Variants in ART3 observed in about 807,000 individuals in gnomAD.
ART3 encodes ecto-ADP-ribosyltransferase 3.
A neutral mutation model predicts 48.5 loss-of-function variants in ART3; 49 were observed. The ratio of observed to expected loss-of-function variants is 1.01; its 90% CI spans 0.80 to 1.28. The LOEUF is 1.28. Among genes scored for constraint, ART3 ranks in the 50% most tolerant of loss-of-function variants. The pLI is 0.00. For missense variants in ART3, 438 were observed against 454.3 expected (o/e 0.96, Z 0.33); for synonymous variants, 145 against 157.2 (o/e 0.92, Z 0.58).
chr4:76,087,119 T>C (rs915220141), intron 3 of ART3, among the ~76,000 whole-genome samples: 4 of 152,156 alleles, frequency 2.6e-5, no homozygotes, highest in Non-Finnish European at 5.9e-5. Context: ...ACAAGCTAAA[T>C]GTAGCACAGG....
At chr4:76,088,053 A>T (rs2149591588) in intron 3 of ART3, among the ~76,000 whole-genome samples, 1 of 152,214 alleles carries the variant, frequency 6.6e-6, no homozygotes, top group East Asian at 1.9e-4. Context: ...ACATAATGAG[A>T]CACCCATCTC....
intron 1 of ART3, among the ~76,000 whole-genome samples, chr4:76,043,463 TGAGAAATC>T (rs1205729447): frequency 6.6e-6 from 1 of 152,016 alleles, no homozygotes; most frequent in Non-Finnish European, 1.5e-5. Context: ...TAAGGCCCGA[TGAGAAATC>T]GAGTGCAGTG....
At chr4:76,089,917 T>C (rs979761807) in intron 3 of ART3, among the ~76,000 whole-genome samples, 2 of 152,012 alleles carry the variant, frequency 1.3e-5, no homozygotes, top group Non-Finnish European at 2.9e-5. Flanking sequence ...CCGTCTCTAC[T>C]AAAAATACAA....
At chr4:76,063,425 C>T (rs904843385) in intron 1 of ART3, among the ~76,000 whole-genome samples, 3 of 151,916 alleles carry the variant, frequency 2.0e-5, no homozygotes, top group Non-Finnish European at 4.4e-5. Flanking sequence ...ATTCTCTGTA[C>T]CTTATACCAT....
At chr4:76,012,520 G>T (rs1048643915) in intron 1 of ART3, among the ~76,000 whole-genome samples, 1 of 152,102 alleles carries the variant, frequency 6.6e-6, no homozygotes, top group Non-Finnish European at 1.5e-5. Flanking sequence ...CCTAGCTGTG[G>T]GAGGTTTTAT....
At position 76,035,270 on chromosome 4, in the gene ART3, A is replaced by G. The variant is rs1377651430; in HGVS notation, c.-10+23950A>G. On this transcript the variant is annotated intron_variant, in intron 1 of 9. Coordinates refer to the ART3 transcript ENST00000341029. ...TGGGTACATTATGGAGGCTTTCTCA[A>G]TATCTGCCACTTTCACTGCTTTTAC... is the stretch of plus-strand genomic sequence containing the variant. The G allele has an allele frequency of 1.7e-5, 28 of 1,614,054 alleles. No homozygotes were observed. Among genetic ancestry groups the G allele is most frequent in the Non-Finnish European group, 2.3e-5 (27 of 1,179,934 alleles).
At chr4:76,019,312 A>C (rs1252687113) in intron 1 of ART3, among the ~76,000 whole-genome samples, 1 of 151,336 alleles carries the variant, frequency 6.6e-6, no homozygotes, top group Admixed American at 6.6e-5. Context: ...TTCATGAATT[A>C]TGTGAGTTAG....
In ART3 at chr4:76,014,512, A is replaced by G. The variant is rs150377508; in HGVS notation, c.-10+3192A>G. ...ATTTTCAAGGCTGAGAAGTAGAAAG[A>G]AAAAAGAATGAAGAAAAGTGAACAA... On this transcript the variant is annotated intron_variant, in intron 1 of 9. Coordinates refer to the ART3 transcript ENST00000341029. 7.8e-3 allele frequency among the ~76,000 whole-genome samples: 1,184 copies of G among 152,302 alleles called. 15 individuals carry two copies. Among genetic ancestry groups the G allele is most frequent in the African/African-American group, 0.027 (1,128 of 41,566 alleles).
At chr4:76,106,126 A>T (rs1728419994) in intron 10 of ART3, 1 of 985,266 alleles carries the variant, frequency 1.0e-6, no homozygotes, top group African/African-American at 1.7e-5. Flanking sequence ...CATGGAACAT[A>T]AGAAGGCTAA....
chr4:76,032,581 C>CTTT (rs10547155), intron 1 of ART3, among the ~76,000 whole-genome samples: 2 of 114,596 alleles, frequency 1.7e-5, no homozygotes, highest in African/African-American at 3.4e-5. Flanking sequence ...AGATTCAAGT[C>CTTT]TTTTTTTTTT....
At chr4:76,069,047 A>T (rs73825862) in intron 1 of ART3, among the ~76,000 whole-genome samples, 2,067 of 152,332 alleles carry the variant, frequency 0.014, 40 homozygotes, top group African/African-American at 0.046. Context: ...GATAGATTTC[A>T]TAGTGTTATG....
upstream of ART3, among the ~76,000 whole-genome samples, chr4:76,073,135 T>G (rs1720492137): frequency 6.6e-6 from 1 of 152,234 alleles, no homozygotes; most frequent in South Asian, 2.1e-4. Flanking sequence ...TTTATCCATT[T>G]CGTTCACTGG....
chr4:76,106,320 C>T, intron 10 of ART3: 1 of 985,436 alleles, frequency 1.0e-6, no homozygotes, highest in South Asian at 4.7e-5. Flanking sequence ...TAGGCACACA[C>T]TTGGTAGTAC....
chr4:76,104,496 G>A, intron 9 of ART3, 101 bp from the exon 10 acceptor site: 2 of 1,540,372 alleles, frequency 1.3e-6, no homozygotes, highest in South Asian at 2.4e-5. Context: ...AGTGCATTGG[G>A]GCCTTGGGTG....
At position 76,082,536 on chromosome 4, in the gene ART3, G is replaced by GT. The variant is rs760936709; in HGVS notation, c.781+2dup. On this transcript the variant is annotated splice_donor_variant, in intron 3 of 11. Transcript: ENST00000355810. LOFTEE classifies it high-confidence loss of function. ...CATTATGAGTGTGCATTTCTAGGTG[G>GT]TAAGTGTCTGCTCTGTCTGTGCTTG... 3.8e-6 allele frequency: 6 copies of GT among 1,566,136 alleles called. No homozygotes were observed. In the South Asian group the frequency reaches 7.2e-5, roughly 19 times the overall value.
At chr4:76,043,943 G>A (rs1735244170) in intron 1 of ART3, among the ~76,000 whole-genome samples, 1 of 152,030 alleles carries the variant, frequency 6.6e-6, no homozygotes, top group African/African-American at 2.4e-5. Flanking sequence ...TGAAGAAGGG[G>A]CCCTGCAGTT....
intron 3 of ART3, among the ~76,000 whole-genome samples, chr4:76,084,167 A>T (rs983083863): frequency 6.6e-6 from 1 of 152,166 alleles, no homozygotes; most frequent in Admixed American, 6.5e-5. Context: ...GCTCTATGAT[A>T]AGCTCTTTAG....
intron 1 of ART3, among the ~76,000 whole-genome samples, chr4:76,032,638 G>T (rs185063520): frequency 2.0e-4 from 27 of 133,352 alleles, no homozygotes; most frequent in African/African-American, 7.4e-4. Context: ...AAGCTGGAAT[G>T]CAATGGCATG....
rs774165207 is a variant in ART3, at chr4:76,112,683, GAT to G, written c.*169_*170del. On this transcript the variant is annotated 3_prime_UTR_variant, in exon 12 of 12. Coordinates refer to ENST00000355810, the MANE Select transcript of ART3 (RefSeq NM_001130016.3). ...TTTGCAAATTCAGAAAGTTGGTCCA[GAT>G]ATATGTCACAGAACTTTTCACTTGT... 9.1e-6 allele frequency: 7 copies of G among 765,142 alleles called. 1 individual carries two copies. The Middle Eastern group carries it at 1.6e-3, about 174-fold the overall frequency. 47.4% of individuals were successfully genotyped at this position (765,142 alleles called of 1,614,324 possible).
Sources: allele counts gnomAD v4.1 joint callset (sites outside exome capture counted in the v4.1 genomes callset), GRCh38; gene constraint gnomAD v4.1.1; transcripts MANE v1.5; gene names NCBI Gene and HGNC (gene_info 2026-07-23, HGNC 2026-07-21).